The following PRKCZ variants were observed in gnomAD, a reference collection of about 807,000 sequenced individuals.
PRKCZ encodes the protein protein kinase C zeta, also known as protein kinase C zeta type.
PRKCZ carries 33 observed loss-of-function variants against 79.5 expected under a neutral mutation model. The observed-to-expected ratio is 0.41, with a 90% confidence interval of 0.31 to 0.55. The LOEUF (loss-of-function observed/expected upper bound fraction) is 0.55, where lower values mean the gene tolerates loss of function less well. Among genes scored for constraint, PRKCZ ranks in the 20% least tolerant of loss-of-function variants. The pLI is 0.19. For synonymous variants in PRKCZ, 342 were observed against 320.9 expected, an observed-to-expected ratio of 1.07 and a Z score of -0.70; for missense variants, 578 against 813.5, an observed-to-expected ratio of 0.71 and a Z score of 3.52.
At chr1:2,091,871 A>T (rs1180292419) in intron 4 of PRKCZ, among the ~76,000 whole-genome samples, 2 of 152,154 alleles carry the variant, frequency 1.3e-5, no homozygotes, top group Admixed American at 6.5e-5. Flanking sequence ...TGTTGGGGCC[A>T]CGGAGTTGTG....
chr1:2,062,283 C>T (rs13303346), intron 4 of PRKCZ, among the ~76,000 whole-genome samples: 19,047 of 152,126 alleles, frequency 0.13, 1,275 homozygotes, highest in Middle Eastern at 0.16. Flanking sequence ...GCCCCACCTC[C>T]GCTCAGCCTC....
chr1:2,153,804 G>C (rs2103259242), intron 9 of PRKCZ, among the ~76,000 whole-genome samples: 1 of 152,356 alleles, frequency 6.6e-6, no homozygotes, highest in East Asian at 1.9e-4. Context: ...GGGATGCCGA[G>C]GTGGGGACTC....
chr1:2,052,963 A>G (rs1053629593), intron 1 of PRKCZ, among the ~76,000 whole-genome samples: 1 of 150,932 alleles, frequency 6.6e-6, no homozygotes, highest in Non-Finnish European at 1.5e-5. Context: ...TCGCCACCCC[A>G]CCCCGCCCCC....
chr1:2,176,192 C>T (rs893570749), intron 16 of PRKCZ, among the ~76,000 whole-genome samples: 3 of 152,124 alleles, frequency 2.0e-5, no homozygotes, highest in African/African-American at 7.2e-5. Context: ...CAGTACTCTC[C>T]TGTGATGAGG....
chr1:2,120,241 A>G (rs185652753), intron 4 of PRKCZ, among the ~76,000 whole-genome samples: 7 of 144,982 alleles, frequency 4.8e-5, no homozygotes, highest in African/African-American at 1.5e-4. Flanking sequence ...TTCTTGAATC[A>G]GGGACATGAT....
chr1:2,178,503 G>A lies in PRKCZ; in HGVS notation c.1575+3190G>A, dbSNP rs1377516289. Among the ~76,000 whole-genome samples the A allele has an allele frequency of 4.6e-5, 7 of 151,650 alleles. No homozygotes were observed. The highest frequency in any genetic ancestry group is 1.9e-4 in the East Asian group (1 of 5,192). On this transcript the variant is annotated intron_variant, in intron 16 of 17. Transcript: ENST00000378567. This position sits in a 1 kb window ranked among gnomAD's most constrained non-coding sequence, Gnocchi z 4.3. ...TGCTGCCGTGAACACCTGTGAACCC[G>A]CTTCTGGGTGGACTCGTGCTGCTGT... is the stretch of plus-strand genomic sequence containing the variant.
rs1557628369 is a variant in PRKCZ at position 2,124,389 on chromosome 1, CGGTGGTTAGGGTCACGGT to C, written c.335-10857_335-10840del. 8.9e-3 allele frequency among the ~76,000 whole-genome samples: 20 copies of C among 2,246 alleles called. 1 individual carries two copies. Among genetic ancestry groups the C allele is most frequent in the African/African-American group, 0.022 (17 of 756 alleles). The allele number at this position is 2,246 out of a possible 152,430, so 1.5% of individuals were successfully genotyped here. On this transcript the variant is annotated intron_variant, in intron 4 of 17. Transcript: ENST00000378567. ...GTCACGGCGGCGGTTAGGGTCACGG[CGGTGGTTAGGGTCACGGT>C]GGTGGTTAGGGTCACAGGGTAGAAC...
intron 4 of PRKCZ, among the ~76,000 whole-genome samples, chr1:2,126,303 G>T (rs1273284432): frequency 6.6e-6 from 1 of 152,148 alleles, no homozygotes; most frequent in Non-Finnish European, 1.5e-5. Context: ...TGGAGGGCTG[G>T]TCTGCTGACC....
chr1:2,061,054 G>C (rs746005737), intron 4 of PRKCZ, among the ~76,000 whole-genome samples: 6 of 152,214 alleles, frequency 3.9e-5, no homozygotes, highest in Non-Finnish European at 8.8e-5. Context: ...CCTCCACAGC[G>C]CCCTGCAGCC....
At chr1:2,060,091 T>C (rs900257463) in intron 4 of PRKCZ, among the ~76,000 whole-genome samples, 21 of 152,216 alleles carry the variant, frequency 1.4e-4, no homozygotes, top group African/African-American at 4.6e-4. Flanking sequence ...CCGGAGACTG[T>C]TGGGCCCTGA....
Position 2,172,453 on chromosome 1 carries a change from C to A in PRKCZ, c.1285+65C>A. The A allele has an allele frequency of 6.6e-7, 1 of 1,510,336 alleles. No individual in the cohort carries two copies. Among genetic ancestry groups the A allele is most frequent in the Non-Finnish European group, 9.0e-7 (1 of 1,115,964 alleles). 93.6% of individuals were successfully genotyped at this position (1,510,336 alleles called of 1,614,324 possible). On this transcript the variant is annotated intron_variant, in intron 13 of 17. Coordinates refer to ENST00000378567, the MANE Select transcript of PRKCZ (RefSeq NM_002744.6). The surrounding 1 kb of genome is among the most constrained non-coding windows in gnomAD (Gnocchi z 7.8). ...GCCAGAGATGGCTTCGGGCCTGGCCCAGCAGCCAGGGAGAGGTGTCCTTGA... is the reference window on the plus strand; with the variant it reads ...GCCAGAGATGGCTTCGGGCCTGGCCAAGCAGCCAGGGAGAGGTGTCCTTGA...
rs1336527203 is a variant in PRKCZ at position 2,138,043 on chromosome 1, C to T, written c.420+2696C>T. Among the ~76,000 whole-genome samples, 3 of 152,236 alleles carry T rather than the reference C, an allele frequency of 2.0e-5. No individual in the cohort carries two copies. In the East Asian group the frequency reaches 5.8e-4, roughly 29 times the overall value. On this transcript the variant is annotated intron_variant, in intron 5 of 17. Coordinates refer to ENST00000378567, the MANE Select transcript of PRKCZ (RefSeq NM_002744.6). Reference sequence around the variant, plus strand: ...CTCTGATCTCGCCACCTGCTCGTAACGTTCTCTGTCCGGACCTCAGAGCCG... The same window carrying T: ...CTCTGATCTCGCCACCTGCTCGTAATGTTCTCTGTCCGGACCTCAGAGCCG...
intron 4 of PRKCZ, among the ~76,000 whole-genome samples, chr1:2,077,846 C>A (rs1449289988): frequency 6.6e-6 from 1 of 152,214 alleles, no homozygotes; most frequent in Non-Finnish European, 1.5e-5. Context: ...CTTCCTTGTT[C>A]CATCCTCCTG....
chr1:2,071,398 C>T (rs1299093924), intron 4 of PRKCZ: 2 of 426,040 alleles, frequency 4.7e-6, no homozygotes, highest in African/African-American at 2.0e-5. Flanking sequence ...GCGCGACCGC[C>T]TGTGGAACAG....
intron 4 of PRKCZ, among the ~76,000 whole-genome samples, chr1:2,123,323 A>G (rs371191480): frequency 7.2e-5 from 1 of 13,890 alleles, no homozygotes; most frequent in Non-Finnish European, 1.2e-4. Flanking sequence ...GGTTAGGGTC[A>G]TGGTGGTGGT....
Position 2,178,827 on chromosome 1 carries a change from C to T in PRKCZ, c.1575+3514C>T, listed in dbSNP as rs559030329. 1.3e-5 allele frequency among the ~76,000 whole-genome samples: 2 copies of T among 152,268 alleles called. No individual in the cohort carries two copies. Among genetic ancestry groups the T allele is most frequent in the Admixed American group, 6.5e-5 (1 of 15,296 alleles). ...GACTCAGGGTCTCTTTCACGGACTG[C>T]GGGGAAGGCAGTGGGAGCAGCAGGA... is the stretch of plus-strand genomic sequence containing the variant. On this transcript the variant is annotated intron_variant, in intron 16 of 17. Transcript: ENST00000378567. This position sits in a 1 kb window ranked among gnomAD's most constrained non-coding sequence, Gnocchi z 4.3.
At chr1:2,098,646 GT>G (rs1038974446) in intron 4 of PRKCZ, 3 of 149,726 alleles carry the variant, frequency 2.0e-5, no homozygotes, top group Admixed American at 6.7e-5. Flanking sequence ...AATAGTGATG[GT>G]TTTTTGTTTG....
chr1:2,135,565 T>C (rs1189892842), intron 5 of PRKCZ, among the ~76,000 whole-genome samples: 1 of 152,238 alleles, frequency 6.6e-6, no homozygotes, highest in Admixed American at 6.5e-5. Context: ...GCGTGGTGGC[T>C]GCCCAGTGAA....
chr1:2,095,553 G>C (rs952493457), intron 4 of PRKCZ, among the ~76,000 whole-genome samples: 2 of 152,088 alleles, frequency 1.3e-5, no homozygotes, highest in Middle Eastern at 3.2e-3. Context: ...TCAGAGAAGA[G>C]GGGGAGGATT....
Sources: allele counts gnomAD v4.1 joint callset (sites outside exome capture counted in the v4.1 genomes callset), GRCh38; gene constraint gnomAD v4.1.1; non-coding constraint Gnocchi (gnomAD v3.1); transcripts MANE v1.5; gene names NCBI Gene and HGNC (gene_info 2026-07-23, HGNC 2026-07-21).